Variants in NBDY observed in about 807,000 individuals in gnomAD.
The protein encoded by NBDY is P-body dissociating protein.
In NBDY at chrX:56,812,091, A is replaced by G. The variant is rs1458944540; in HGVS notation, c.*167-5229A>G. ...CTCCTTGGGCTGCACCCACTATCCAACCAGTCCCAGTGAGATGAACCTGGT... is the reference window on the plus strand; with the variant it reads ...CTCCTTGGGCTGCACCCACTATCCAGCCAGTCCCAGTGAGATGAACCTGGT... On this transcript the variant is annotated intron_variant, in intron 2 of 2. Coordinates refer to ENST00000374922, the MANE Select transcript of NBDY (RefSeq NM_001348129.2). Among the ~76,000 whole-genome samples, 4 of 110,322 alleles carry G rather than the reference A, an allele frequency of 3.6e-5. 1 individual carries two copies. The highest frequency in any genetic ancestry group is 7.6e-5 in the Non-Finnish European group (4 of 52,695).
At chrX:56,767,506 G>A (rs1284947743) in intron 2 of NBDY, among the ~76,000 whole-genome samples, 2 of 112,743 alleles carry the variant, frequency 1.8e-5, no homozygotes, top group African/African-American at 3.2e-5. Context: ...AGCCGCGGGC[G>A]GTAACACGAG....
At chrX:56,742,518 T>C (rs2069536697) in intron 2 of NBDY, among the ~76,000 whole-genome samples, 1 of 111,590 alleles carries the variant, frequency 9.0e-6, no homozygotes, top group Admixed American at 9.5e-5. Flanking sequence ...ATCAGTGTTC[T>C]ACAGTTTTTA....
chrX:56,733,623 TA>T (rs1248165883), intron 2 of NBDY, among the ~76,000 whole-genome samples: 3 of 111,794 alleles, frequency 2.7e-5, no homozygotes, highest in African/African-American at 9.8e-5. Context: ...TGATGTACCC[TA>T]AGTTGTAAAG....
chrX:56,753,925 A>C (rs1194073034), intron 2 of NBDY, among the ~76,000 whole-genome samples: 1 of 111,375 alleles, frequency 9.0e-6, no homozygotes, highest in Non-Finnish European at 1.9e-5. Context: ...AGTGTGAGGA[A>C]GTGGGTGAAG....
chrX:56,806,425 C>G (rs752182090), intron 2 of NBDY, among the ~76,000 whole-genome samples: 3 of 112,075 alleles, frequency 2.7e-5, no homozygotes, highest in Admixed American at 9.4e-5. Flanking sequence ...AACTAATTGA[C>G]ACTCCCACCA....
rs183025849 is a variant in NBDY at position 56,747,512 on chromosome X, A to G, written c.*166+15313A>G. 2.0e-4 allele frequency among the ~76,000 whole-genome samples: 22 copies of G among 111,782 alleles called. No individual in the cohort carries two copies. In the East Asian group the frequency reaches 5.4e-3, roughly 27 times the overall value. On this transcript the variant is annotated intron_variant, in intron 2 of 2. Transcript: ENST00000374922. Reference sequence around the variant, plus strand: ...CTGGTTTTTGGAGGAGGTGAGATGTATGGTAGGTAGTTTTCCTGGAGTGGA... The same window carrying G: ...CTGGTTTTTGGAGGAGGTGAGATGTGTGGTAGGTAGTTTTCCTGGAGTGGA...
chrX:56,756,799 T>C (rs1164466836), intron 2 of NBDY, among the ~76,000 whole-genome samples: 1 of 110,787 alleles, frequency 9.0e-6, no homozygotes, highest in Non-Finnish European at 1.9e-5. Flanking sequence ...ACCCTGTCTC[T>C]ACAAAAAATT....
intron 2 of NBDY, among the ~76,000 whole-genome samples, chrX:56,783,454 C>T (rs2069707899): frequency 8.9e-6 from 1 of 112,680 alleles, no homozygotes; most frequent in Non-Finnish European, 1.9e-5. Flanking sequence ...CCAGTGGCTT[C>T]CCTTATGCGT....
At chrX:56,787,281 A>C (rs182344537) in intron 2 of NBDY, among the ~76,000 whole-genome samples, 175 of 110,418 alleles carry the variant, frequency 1.6e-3, no homozygotes, top group Non-Finnish European at 1.8e-3. Context: ...ACACAAACAC[A>C]CACGTTAAAC....
chrX:56,817,146 T>C (rs1263645937), intron 2 of NBDY, among the ~76,000 whole-genome samples, 174 bp from the exon 3 acceptor site: 11 of 112,025 alleles, frequency 9.8e-5, no homozygotes, highest in African/African-American at 3.6e-4. Flanking sequence ...TTATTGACAT[T>C]GTATGCCTTT....
intron 2 of NBDY, among the ~76,000 whole-genome samples, chrX:56,755,733 T>C (rs372553052): frequency 4.6e-5 from 5 of 109,872 alleles, no homozygotes; most frequent in African/African-American, 9.9e-5. Flanking sequence ...GTCAGTGTGG[T>C]GATTCCTCAG....
At position 56,811,358 on chromosome X, in the gene NBDY, G is replaced by C. The variant is rs1318330385; in HGVS notation, c.*167-5962G>C. On this transcript the variant is annotated intron_variant, in intron 2 of 2. Transcript: ENST00000374922. ...ATCTGCTGAAGCTGCACCCCCAACTGTTCCTTCCCCCAGGTGCTCTGTCAC... is the reference window on the plus strand; with the variant it reads ...ATCTGCTGAAGCTGCACCCCCAACTCTTCCTTCCCCCAGGTGCTCTGTCAC... 2.7e-5 allele frequency among the ~76,000 whole-genome samples: 3 copies of C among 111,959 alleles called. No homozygotes were observed. The Admixed American group carries it at 2.8e-4, about 11-fold the overall frequency.
Position 56,791,876 on chromosome X carries a change from CCTT to C in NBDY, c.*167-25434_*167-25432del, listed in dbSNP as rs946251505. Among the ~76,000 whole-genome samples, 12 of 109,946 alleles carry C rather than the reference CCTT, an allele frequency of 1.1e-4. 1 individual carries two copies. Among genetic ancestry groups the C allele is most frequent in the Admixed American group, 5.8e-4 (6 of 10,349 alleles). On this transcript the variant is annotated intron_variant, in intron 2 of 2. Transcript: ENST00000374922. ...TACTCCTATTTTTCCTCCTCCTCCTCCTTCTTCTTCTTATTGTTGTTGTTGTTC... is the reference window on the plus strand; with the variant it reads ...TACTCCTATTTTTCCTCCTCCTCCTCCTTCTTCTTATTGTTGTTGTTGTTC...
chrX:56,811,428 G>A (rs2069886141), intron 2 of NBDY, among the ~76,000 whole-genome samples: 1 of 112,288 alleles, frequency 8.9e-6, no homozygotes, highest in South Asian at 3.7e-4. Flanking sequence ...TGGAACTGCT[G>A]CCTTTTTTTC....
At chrX:56,752,212 A>G (rs1602653392) in intron 2 of NBDY, among the ~76,000 whole-genome samples, 1 of 112,376 alleles carries the variant, frequency 8.9e-6, no homozygotes, top group East Asian at 2.8e-4. Context: ...ATTATCAGTT[A>G]TGTATACAGT....
intron 2 of NBDY, among the ~76,000 whole-genome samples, chrX:56,799,144 G>A (rs940295992): frequency 6.2e-5 from 7 of 112,290 alleles, no homozygotes; most frequent in South Asian, 3.7e-4. Context: ...CCAGGATAGC[G>A]CCCTGGCTCC....
At chrX:56,729,926 G>A (rs1273714195) in intron 1 of NBDY, among the ~76,000 whole-genome samples, 1 of 109,931 alleles carries the variant, frequency 9.1e-6, no homozygotes, top group African/African-American at 3.3e-5. Context: ...TTTAAAGCTG[G>A]GTGATGTATA....
intron 2 of NBDY, among the ~76,000 whole-genome samples, chrX:56,797,396 GCTT>G (rs1161419872): frequency 4.8e-5 from 5 of 104,211 alleles, no homozygotes; most frequent in Non-Finnish European, 9.7e-5. Flanking sequence ...CTAGCAGATT[GCTT>G]CTTCTTCTCC....
rs372312673 is a variant in NBDY at position 56,741,007 on chromosome X, C to T, written c.*166+8808C>T. ...CACCACCCATTACCCTTCCCAGCCTCTGGTAACCATCTTTCTACTCTCCAT... is the reference window on the plus strand; with the variant it reads ...CACCACCCATTACCCTTCCCAGCCTTTGGTAACCATCTTTCTACTCTCCAT... On this transcript the variant is annotated intron_variant, in intron 2 of 2. Transcript: ENST00000374922. Among the ~76,000 whole-genome samples the T allele has an allele frequency of 4.7e-4, 52 of 111,023 alleles. No individual in the cohort carries two copies. In the South Asian group the frequency reaches 0.02, roughly 42 times the overall value.
Sources: gnomAD v4.1 joint callset for allele counts (sites outside exome capture counted in the v4.1 genomes callset) on GRCh38, gnomAD v4.1.1 for gene constraint, MANE v1.5 for transcripts, NCBI Gene and HGNC (gene_info 2026-07-23, HGNC 2026-07-21) for gene names.